IGSF21: variants seen among roughly 807,000 people sequenced by gnomAD.
The protein encoded by IGSF21 is immunoglobulin superfamily member 21.
IGSF21 carries 28 observed loss-of-function variants against 46.8 expected under a neutral mutation model. The ratio of observed to expected loss-of-function variants is 0.60; its 90% confidence interval spans 0.44 to 0.82. The LOEUF (loss-of-function observed/expected upper bound fraction) is 0.82, where lower values mean the gene tolerates loss of function less well. Among genes scored for constraint, IGSF21 ranks in the 40% least tolerant of loss-of-function variants. The probability of loss-of-function intolerance (pLI) is 0.00; values close to 1 mark genes in which losing one functional copy is unlikely to be tolerated. For synonymous variants in IGSF21, 284 were observed against 273.6 expected (o/e 1.04, Z -0.38); for missense variants, 624 against 665.5 (o/e 0.94, Z 0.69).
chr1:18,171,273 G>T (rs998126225), intron 1 of IGSF21, among the ~76,000 whole-genome samples: 13 of 152,114 alleles, frequency 8.5e-5, no homozygotes, highest in Non-Finnish European at 1.5e-4. Flanking sequence ...CCCAAATGAA[G>T]ACTCATCCTT....
At chr1:18,176,867 G>A (rs1230533417) in intron 1 of IGSF21, among the ~76,000 whole-genome samples, 2 of 152,208 alleles carry the variant, frequency 1.3e-5, no homozygotes, top group Admixed American at 6.5e-5. Context: ...AGGACAACAG[G>A]CCAGCTGTGA....
At chr1:18,139,737 T>C (rs78429887) in intron 1 of IGSF21, among the ~76,000 whole-genome samples, 21,213 of 152,140 alleles carry the variant, frequency 0.14, 1,580 homozygotes, top group Middle Eastern at 0.17. Flanking sequence ...TTGTAGCAGA[T>C]GCTGTCAGTG....
intron 1 of IGSF21, among the ~76,000 whole-genome samples, chr1:18,161,112 A>G (rs2086617171): frequency 6.6e-6 from 1 of 152,078 alleles, no homozygotes; most frequent in African/African-American, 2.4e-5. Flanking sequence ...AAACTCCTGA[A>G]TCTCAGGGGT....
At chr1:18,273,887 T>G (rs1316235751) in intron 2 of IGSF21, among the ~76,000 whole-genome samples, 1 of 152,078 alleles carries the variant, frequency 6.6e-6, no homozygotes, top group Non-Finnish European at 1.5e-5. Context: ...AGGACCCCAG[T>G]GCCTAAGTCT....
chr1:18,109,655 AG>A lies in IGSF21; in HGVS notation c.70+1459del, dbSNP rs2086124072. ...GGGGGAGGGGTTGGTGTAACCCAGA[AG>A]GAATGCAAACCCTGTACTTTGTTCC... On this transcript the variant is annotated intron_variant, in intron 1 of 9. Coordinates refer to ENST00000251296, the MANE Select transcript of IGSF21 (RefSeq NM_032880.5). This position sits in a 1 kb window ranked among gnomAD's most constrained non-coding sequence, Gnocchi z 4.8. 1 of 152,220 alleles carries A rather than the reference AG, an allele frequency of 6.6e-6. No homozygotes were observed. The highest frequency in any genetic ancestry group is 2.4e-5 in the African/African-American group (1 of 41,410). The allele number at this position is 152,220 out of a possible 1,614,324, so 9.4% of individuals were successfully genotyped here.
At chr1:18,368,940 C>T (rs922049032) in intron 6 of IGSF21, among the ~76,000 whole-genome samples, 4 of 152,206 alleles carry the variant, frequency 2.6e-5, no homozygotes, top group African/African-American at 9.7e-5. Flanking sequence ...CCCCTATCAA[C>T]AGCACCCCAA....
At chr1:18,140,731 C>G (rs1041529759) in intron 1 of IGSF21, among the ~76,000 whole-genome samples, 3 of 152,212 alleles carry the variant, frequency 2.0e-5, no homozygotes. Context: ...TCCCTGACTA[C>G]GCCCTGTGCT....
intron 4 of IGSF21, among the ~76,000 whole-genome samples, chr1:18,345,956 C>A (rs555129779): frequency 1.1e-4 from 16 of 152,316 alleles, no homozygotes; most frequent in African/African-American, 3.8e-4. Context: ...TTTCCCTAGA[C>A]CTCAGTGTCC....
intron 1 of IGSF21, among the ~76,000 whole-genome samples, chr1:18,179,764 C>T (rs1420189868): frequency 6.6e-6 from 1 of 152,118 alleles, no homozygotes; most frequent in Non-Finnish European, 1.5e-5. Flanking sequence ...TCTGGAAACT[C>T]AGATCCCATC....
chr1:18,284,706 T>C (rs2085195744), intron 2 of IGSF21, among the ~76,000 whole-genome samples: 1 of 152,298 alleles, frequency 6.6e-6, no homozygotes, highest in Admixed American at 6.5e-5. Context: ...GCCCTCATTG[T>C]CTCTTGCATT....
intron 1 of IGSF21, among the ~76,000 whole-genome samples, chr1:18,183,925 C>A (rs2086879797): frequency 6.6e-6 from 1 of 152,112 alleles, no homozygotes; most frequent in Non-Finnish European, 1.5e-5. Context: ...AGTAACATGA[C>A]AAAACCCCAC....
intron 1 of IGSF21, among the ~76,000 whole-genome samples, chr1:18,139,024 C>T (rs2086391735): frequency 6.6e-6 from 1 of 152,220 alleles, no homozygotes; most frequent in African/African-American, 2.4e-5. Context: ...TTAAAACCCA[C>T]ATCCTTACCC....
chr1:18,141,801 G>A (rs2124425820), intron 1 of IGSF21, among the ~76,000 whole-genome samples: 1 of 152,252 alleles, frequency 6.6e-6, no homozygotes, highest in South Asian at 2.1e-4. Flanking sequence ...GGGCACAGTG[G>A]CTCATACCTG....
chr1:18,198,221 T>C (rs1373341120), intron 1 of IGSF21, among the ~76,000 whole-genome samples: 1 of 152,198 alleles, frequency 6.6e-6, no homozygotes, highest in East Asian at 1.9e-4. Flanking sequence ...TGAGTGGCCA[T>C]ACCAGAGTAA....
intron 2 of IGSF21, among the ~76,000 whole-genome samples, chr1:18,253,648 T>C (rs1247523117): frequency 6.6e-6 from 1 of 152,224 alleles, no homozygotes; most frequent in Non-Finnish European, 1.5e-5. Context: ...ACTTTATTAC[T>C]AGCATTTTAT....
chr1:18,354,135 T>C (rs983888563), intron 4 of IGSF21, among the ~76,000 whole-genome samples: 7 of 152,198 alleles, frequency 4.6e-5, no homozygotes, highest in Non-Finnish European at 4.4e-5. Flanking sequence ...GGACAGGCTC[T>C]AACCCTGTCT....
At chr1:18,146,333 C>T (rs760808421) in intron 1 of IGSF21, among the ~76,000 whole-genome samples, 1 of 152,042 alleles carries the variant, frequency 6.6e-6, no homozygotes, top group Non-Finnish European at 1.5e-5. Context: ...TGCTTTGTAC[C>T]AAGAGGGGGA....
chr1:18,288,629 C>G (rs1407121485), intron 2 of IGSF21, among the ~76,000 whole-genome samples: 2 of 152,234 alleles, frequency 1.3e-5, no homozygotes, highest in Non-Finnish European at 2.9e-5. Context: ...CCCACCTGGC[C>G]TCTTTCTTGG....
intron 2 of IGSF21, among the ~76,000 whole-genome samples, chr1:18,242,465 A>G (rs1420981846): frequency 6.6e-6 from 1 of 152,146 alleles, no homozygotes; most frequent in East Asian, 1.9e-4. Flanking sequence ...TATTATTATT[A>G]TTTTATTATT....
Sources: allele counts gnomAD v4.1 joint callset (sites outside exome capture counted in the v4.1 genomes callset), GRCh38; gene constraint gnomAD v4.1.1; non-coding constraint Gnocchi (gnomAD v3.1); transcripts MANE v1.5; gene names NCBI Gene and HGNC (gene_info 2026-07-23, HGNC 2026-07-21).